SMAP1: variants seen among roughly 807,000 people sequenced by gnomAD.
SMAP1 encodes small ArfGAP 1, also known as stromal membrane-associated protein 1.
A neutral mutation model predicts 58.5 loss-of-function variants in SMAP1; 24 were observed. The ratio of observed to expected loss-of-function variants is 0.41; its 90% CI spans 0.30 to 0.58. SMAP1 has a LOEUF of 0.58. SMAP1 is among the 20% of genes least tolerant of loss of function. The pLI, the probability that SMAP1 is intolerant of heterozygous loss-of-function variation, is 0.29. For missense variants in SMAP1, 563 were observed against 566.3 expected, an observed-to-expected ratio of 0.99 and a Z score of 0.06; for synonymous variants, 216 against 196.6, an observed-to-expected ratio of 1.10 and a Z score of -0.82.
chr6:70,752,285 C>T (rs1030744390), intron 2 of SMAP1, among the ~76,000 whole-genome samples: 9 of 152,156 alleles, frequency 5.9e-5, no homozygotes, highest in Non-Finnish European at 1.3e-4. Context: ...TGTTAGTAAG[C>T]CCTGCAGGAC....
At chr6:70,780,887 A>G (rs1767736301) in intron 4 of SMAP1, among the ~76,000 whole-genome samples, 1 of 152,200 alleles carries the variant, frequency 6.6e-6, no homozygotes. Context: ...TCTGTGAAAT[A>G]AGGATGTCAT....
At chr6:70,828,246 A>AT (rs764784060) in intron 6 of SMAP1, among the ~76,000 whole-genome samples, 1 of 152,190 alleles carries the variant, frequency 6.6e-6, no homozygotes, top group Admixed American at 6.5e-5. Flanking sequence ...TAACTCATGA[A>AT]TTTTTTACTG....
At chr6:70,688,441 G>A (rs1053016269) in intron 1 of SMAP1, among the ~76,000 whole-genome samples, 5 of 152,118 alleles carry the variant, frequency 3.3e-5, no homozygotes, top group African/African-American at 1.2e-4. Context: ...TATTTAGTTG[G>A]TCCTTTGCCA....
intron 1 of SMAP1, among the ~76,000 whole-genome samples, chr6:70,717,903 A>G (rs888998177): frequency 6.6e-6 from 1 of 152,198 alleles, no homozygotes; most frequent in Non-Finnish European, 1.5e-5. Context: ...GAATTTCAGG[A>G]AGTTTATCTT....
At chr6:70,791,907 G>T (rs1435084789) in intron 5 of SMAP1, 138 bp downstream of exon 5, 5 of 645,856 alleles carry the variant, frequency 7.7e-6, no homozygotes, top group Non-Finnish European at 4.9e-6. Context: ...GCAATTTCTA[G>T]AATTTTTTTA....
chr6:70,830,957 T>C (rs1306615812), intron 6 of SMAP1, among the ~76,000 whole-genome samples: 1 of 152,204 alleles, frequency 6.6e-6, no homozygotes, highest in African/African-American at 2.4e-5. Flanking sequence ...TTAAATTGCC[T>C]TGTTGCTACA....
At chr6:70,762,205 T>C (rs1050824444) in intron 3 of SMAP1, among the ~76,000 whole-genome samples, 6 of 152,152 alleles carry the variant, frequency 3.9e-5, no homozygotes, top group African/African-American at 1.4e-4. Flanking sequence ...TAGTACTGAA[T>C]AGAATTCAGG....
intron 5 of SMAP1, among the ~76,000 whole-genome samples, 157 bp downstream of exon 5, chr6:70,791,926 G>T (rs1768380077): frequency 6.6e-6 from 1 of 152,104 alleles, no homozygotes; most frequent in African/African-American, 2.4e-5. Context: ...TATACCACAG[G>T]TATGATTAAA....
chr6:70,716,716 G>A (rs1768282687), intron 1 of SMAP1, among the ~76,000 whole-genome samples: 1 of 151,710 alleles, frequency 6.6e-6, no homozygotes, highest in Admixed American at 6.6e-5. Context: ...ATTTCTGTTT[G>A]GTGCTTTCAA....
At chr6:70,768,344 C>T (rs1767099013) in intron 3 of SMAP1, among the ~76,000 whole-genome samples, 1 of 152,144 alleles carries the variant, frequency 6.6e-6, no homozygotes, top group African/African-American at 2.4e-5. Context: ...CCTCCTTGTA[C>T]CTCTGGTAGA....
chr6:70,781,308 A>C (rs535688011), intron 4 of SMAP1, among the ~76,000 whole-genome samples: 13 of 152,252 alleles, frequency 8.5e-5, no homozygotes, highest in African/African-American at 2.9e-4. Context: ...TAAGTTTTCA[A>C]TGTCTTTTAA....
At chr6:70,802,716 G>C (rs969543988) in intron 6 of SMAP1, among the ~76,000 whole-genome samples, 2 of 152,144 alleles carry the variant, frequency 1.3e-5, no homozygotes, top group Admixed American at 6.6e-5. Flanking sequence ...TTAGCATGAA[G>C]GGCTGTTGAA....
intron 6 of SMAP1, among the ~76,000 whole-genome samples, chr6:70,815,888 A>T (rs941643740): frequency 6.6e-6 from 1 of 152,186 alleles, no homozygotes; most frequent in Non-Finnish European, 1.5e-5. Context: ...AGCAACTCTT[A>T]GGATGCCTGC....
At chr6:70,827,244 C>T (rs1000916917) in intron 6 of SMAP1, among the ~76,000 whole-genome samples, 2 of 152,062 alleles carry the variant, frequency 1.3e-5, no homozygotes, top group African/African-American at 2.4e-5. Flanking sequence ...TTTCAAATGA[C>T]CAAGCAATAA....
chr6:70,674,932 G>A (rs1766414859), intron 1 of SMAP1, among the ~76,000 whole-genome samples: 1 of 152,110 alleles, frequency 6.6e-6, no homozygotes, highest in East Asian at 1.9e-4. Flanking sequence ...CCGAGATGGC[G>A]CCACTGCACT....
rs1252023071 is a variant in SMAP1, at chr6:70,859,123, CATT to C, written c.1269+896_1269+898del. Reference sequence around the variant, plus strand: ...GGGAATAGTCTAGAGTGATTTCTAACATTAGCACAATCACTATATATCACAGTT... The same window carrying C: ...GGGAATAGTCTAGAGTGATTTCTAACAGCACAATCACTATATATCACAGTT... On this transcript the variant is annotated intron_variant, in intron 10 of 10. Coordinates refer to ENST00000370455, the MANE Select transcript of SMAP1 (RefSeq NM_001044305.3). 2.7e-5 allele frequency: 12 copies of C among 451,450 alleles called. No individual in the cohort carries two copies. The Admixed American group carries it at 4.0e-4, about 15-fold the overall frequency. 28.0% of individuals were successfully genotyped at this position (451,450 alleles called of 1,614,324 possible).
At chr6:70,788,931 G>C (rs959454949) in intron 4 of SMAP1, among the ~76,000 whole-genome samples, 4 of 152,180 alleles carry the variant, frequency 2.6e-5, no homozygotes, top group South Asian at 2.1e-4. Flanking sequence ...AAGGAGACCA[G>C]TTAGGAGGAC....
At chr6:70,845,971 G>T (rs905998886) in intron 7 of SMAP1, among the ~76,000 whole-genome samples, 6 of 152,202 alleles carry the variant, frequency 3.9e-5, no homozygotes, top group African/African-American at 7.2e-5. Flanking sequence ...AGATAGTTGT[G>T]TGGAAGCTGT....
intron 4 of SMAP1, among the ~76,000 whole-genome samples, chr6:70,787,676 G>A (rs1768120761): frequency 1.3e-5 from 2 of 151,950 alleles, no homozygotes; most frequent in Non-Finnish European, 2.9e-5. Context: ...AGACATTTAT[G>A]CAGCCAAAAA....
Sources: gnomAD v4.1 joint callset for allele counts (sites outside exome capture counted in the v4.1 genomes callset) on GRCh38, gnomAD v4.1.1 for gene constraint, MANE v1.5 for transcripts, NCBI Gene and HGNC (gene_info 2026-07-23, HGNC 2026-07-21) for gene names.